The following ENO2 variants were observed in gnomAD, a reference collection of about 807,000 sequenced individuals.
ENO2 encodes the protein gamma-enolase.
ENO2 carries 19 observed loss-of-function variants against 48.7 expected under a neutral mutation model. The ratio of observed to expected loss-of-function variants is 0.39; its 90% CI spans 0.27 to 0.57. The LOEUF is 0.57. ENO2 is among the 20% of genes least tolerant of loss of function. ENO2 has a pLI of 0.58. For synonymous variants in ENO2, 198 were observed against 213.4 expected (o/e 0.93, Z 0.63); for missense variants, 416 against 555.0 (o/e 0.75, Z 2.52).
At chr12:6,917,143 G>A in intron 5 of ENO2, 36 bp downstream of exon 5, 2 of 1,612,974 alleles carry the variant, frequency 1.2e-6, no homozygotes, top group Non-Finnish European at 1.7e-6. Context: ...GGAAGCGTCA[G>A]GGTGGGGAGG....
At position 6,915,850 on chromosome 12, in the gene ENO2, C is replaced by G. The variant is rs1352913239; in HGVS notation, c.18C>G (p.Ile6Met). MSIEK[I>M]WAREILDSRG... is the part of the protein sequence containing the mutation. ...CAGCCATCATGTCCATAGAGAAGAT[C>G]TGGGCCCGGGAGATCCTGGACTCCC... is the stretch of plus-strand genomic sequence containing the variant. The change falls in exon 2 of 12, where the codon ATC (isoleucine) becomes ATG (methionine). Residue 6 changes from isoleucine to methionine, a missense_variant. Physicochemically the swap from Ile to Met is conservative, Grantham distance 10. Transcript: ENST00000229277. 1.2e-6 allele frequency: 2 copies of G among 1,613,708 alleles called. No homozygotes were observed. The highest frequency in any genetic ancestry group is 2.7e-5 in the African/African-American group (2 of 74,866).
Position 6,919,643 on chromosome 12 carries a change from T to C in ENO2, c.745T>C (p.Ser249Pro). The C allele has an allele frequency of 6.2e-7, 1 of 1,614,178 alleles. No homozygotes were observed. Among genetic ancestry groups the C allele is most frequent in the Non-Finnish European group, 8.5e-7 (1 of 1,180,036 alleles). ...KIVIGMDVAASEFYRDGKYDL... is the reference protein window; with the variant it reads ...KIVIGMDVAAPEFYRDGKYDL... ...CGTTATTGGCATGGATGTTGCTGCC[T>C]CAGAGTTTTATCGTGATGGCAAATA... is the stretch of plus-strand genomic sequence containing the variant. The change falls in exon 8 of 12, where the codon TCA becomes CCA. Residue 249 changes from serine to proline, a missense_variant. Transcript: ENST00000229277.
chr12:6,918,241 G>A, intron 7 of ENO2, 79 bp downstream of exon 7: 2 of 1,469,560 alleles, frequency 1.4e-6, no homozygotes, highest in South Asian at 1.2e-5. Flanking sequence ...AGTTCACCAA[G>A]TCCTGAGTAG....
intron 9 of ENO2, 86 bp downstream of exon 9, chr12:6,921,868 G>C: frequency 6.4e-7 from 1 of 1,560,130 alleles, no homozygotes; most frequent in African/African-American, 1.4e-5. Context: ...CTACCCAGGG[G>C]TGCCAAAGAG....
rs1433166979 is a variant in ENO2 at position 6,916,787 on chromosome 12, G to A, written c.240+58G>A. ...CCAGAGTTCTGGAAGGAATCCCGGA[G>A]CAGGGCAGGAGGAAGGGAAGAAAGA... is the stretch of plus-strand genomic sequence containing the variant. On this transcript the variant is annotated intron_variant, in intron 4 of 11. Transcript: ENST00000229277. The surrounding 1 kb of genome is among the most constrained non-coding windows in gnomAD (Gnocchi z 4.5). 1 of 1,604,024 alleles carries A rather than the reference G, an allele frequency of 6.2e-7. No homozygotes were observed. Among genetic ancestry groups the A allele is most frequent in the African/African-American group, 1.3e-5 (1 of 74,744 alleles).
rs781810342 is a variant in ENO2 at position 6,922,836 on chromosome 12, T to C, written c.*36T>C. ...TGCCTGGAGACGTGGAACCTCTGTC[T>C]CATCCTCCTGGAACCTTGCTGTCCT... On this transcript the variant is annotated 3_prime_UTR_variant, in exon 12 of 12. Transcript: ENST00000229277. This position sits in a 1 kb window ranked among gnomAD's most constrained non-coding sequence, Gnocchi z 5.3. 3.7e-6 allele frequency: 6 copies of C among 1,610,040 alleles called. No homozygotes were observed. The highest frequency in any genetic ancestry group is 5.1e-6 in the Non-Finnish European group (6 of 1,176,608).
In ENO2 at chr12:6,919,454, C is replaced by G. The variant is rs1945320538; in HGVS notation, c.668-112C>G. On this transcript the variant is annotated intron_variant, in intron 7 of 11. Transcript: ENST00000229277. ...GATAACCCCAACAGCATCCCCGCCA[C>G]ACTTCCCTCAGGAACAGCCCTCCAC... The G allele has an allele frequency of 1.6e-6, 2 of 1,214,690 alleles. 1 individual carries two copies. Among genetic ancestry groups the G allele is most frequent in the African/African-American group, 3.0e-5 (2 of 67,158 alleles). The allele number at this position is 1,214,690 out of a possible 1,614,324, so 75.2% of individuals were successfully genotyped here. A position where few individuals can be genotyped will look rare whatever the true frequency, so the allele number is the denominator to read the frequency against.
intron 8 of ENO2, 124 bp downstream of exon 8, chr12:6,919,887 C>T: frequency 9.4e-7 from 1 of 1,066,392 alleles, no homozygotes; most frequent in African/African-American, 1.6e-5. Context: ...ACCTGAGAAC[C>T]AGGGAGAGGG....
intron 6 of ENO2, 98 bp downstream of exon 6, chr12:6,917,812 T>TA: frequency 6.7e-7 from 1 of 1,489,718 alleles, no homozygotes; most frequent in East Asian, 2.4e-5. Flanking sequence ...TTGAGGGAGG[T>TA]AAAGAGGAAG....
chr12:6,919,505 C>G, intron 7 of ENO2, 61 bp from the exon 8 acceptor site: 2 of 1,567,586 alleles, frequency 1.3e-6, no homozygotes, highest in East Asian at 4.5e-5. Context: ...CTTTTCTTTC[C>G]CTCCTCCTCC....
chr12:6,917,754 TGGGG>T, intron 6 of ENO2, 40 bp downstream of exon 6: 1 of 1,346,314 alleles, frequency 7.4e-7, no homozygotes, highest in Non-Finnish European at 1.0e-6. Flanking sequence ...CAGGGGCGGG[TGGGG>T]GAGGGAGCAT....
intron 7 of ENO2, among the ~76,000 whole-genome samples, chr12:6,918,851 G>T (rs538182755): frequency 2.6e-5 from 4 of 151,580 alleles, no homozygotes; most frequent in Non-Finnish European, 4.4e-5. Flanking sequence ...GCATGGTGGC[G>T]TGTGCCTGTA....
Position 6,915,900 on chromosome 12 carries a change from A to G in ENO2, c.68A>G (p.Asp23Gly). The G allele has an allele frequency of 6.2e-7, 1 of 1,613,880 alleles. No homozygotes were observed. The highest frequency in any genetic ancestry group is 2.2e-5 in the East Asian group (1 of 44,856). The change falls in exon 2 of 12, where the codon GAT (aspartate) becomes GGT (glycine). Residue 23 changes from aspartate (D) to glycine (G), a missense_variant. Coordinates refer to ENST00000229277, the MANE Select transcript of ENO2 (RefSeq NM_001975.3). ...CGCGGGAACCCCACAGTGGAGGTGGATCTCTATACTGCCAAAGGTAATGGG... is the reference window on the plus strand; with the variant it reads ...CGCGGGAACCCCACAGTGGAGGTGGGTCTCTATACTGCCAAAGGTAATGGG... ...DSRGNPTVEV[D>G]LYTAKGLFRA...
At position 6,919,662 on chromosome 12, in the gene ENO2, G is replaced by A; in HGVS notation, c.764G>A (p.Gly255Asp). 6.2e-7 allele frequency: 1 copy of A among 1,614,132 alleles called. No individual in the cohort carries two copies. Residue 255 changes from glycine to aspartate, a missense_variant, in exon 8 of 12, where the codon GGC becomes GAC. Coordinates refer to ENST00000229277, the MANE Select transcript of ENO2 (RefSeq NM_001975.3). ...GCTGCCTCAGAGTTTTATCGTGATG[G>A]CAAATATGACTTGGACTTCAAGTCT... ...DVAASEFYRD[G>D]KYDLDFKSPT...
intron 8 of ENO2, 144 bp from the exon 9 acceptor site, chr12:6,921,437 G>C (rs782387513): frequency 1.4e-4 from 111 of 777,188 alleles, no homozygotes; most frequent in African/African-American, 3.5e-5. Flanking sequence ...GCTTACACTG[G>C]GGGGATTTGT....
Position 6,917,733 on chromosome 12 carries a change from TGCG to T in ENO2, c.444+22_444+24del. On this transcript the variant is annotated intron_variant, in intron 6 of 11. Transcript: ENST00000229277. The stretch of plus-strand genomic sequence containing the variant: ...TGTGCCGGTGAGCAATAAGCCAGCC[TGCG>T]GCTCTCCCAGGGGCGGGTGGGGGAG... The T allele has an allele frequency of 6.7e-7, 1 of 1,501,396 alleles. No individual in the cohort carries two copies. The highest frequency in any genetic ancestry group is 2.3e-5 in the East Asian group (1 of 42,884). The allele number at this position is 1,501,396 out of a possible 1,614,324, so 93.0% of individuals were successfully genotyped here.
Position 6,916,401 on chromosome 12 carries a change from C to G in ENO2, c.86-16C>G. On this transcript the variant is annotated splice_polypyrimidine_tract_variant and intron_variant, in intron 2 of 11. Coordinates refer to ENST00000229277, the MANE Select transcript of ENO2 (RefSeq NM_001975.3). This position sits in a 1 kb window ranked among gnomAD's most constrained non-coding sequence, Gnocchi z 4.5. ...GTGTCCTCTTCACTCCCTCTCATTC[C>G]ATGTTCCTCCTTTAGGTCTTTTCCG... is the stretch of plus-strand genomic sequence containing the variant. The G allele has an allele frequency of 6.2e-7, 1 of 1,610,670 alleles. No homozygotes were observed. The highest frequency in any genetic ancestry group is 8.5e-7 in the Non-Finnish European group (1 of 1,178,360).
At chr12:6,917,836 G>T in intron 6 of ENO2, 104 bp from the exon 7 acceptor site, 1 of 1,580,156 alleles carries the variant, frequency 6.3e-7, no homozygotes. Context: ...GGGGACGTGA[G>T]ACTTAGTCCG....
rs1328022800 is a variant in ENO2, at chr12:6,922,086, G to A, written c.1098G>A (p.Gly366=). The change falls in exon 10 of 12, where the codon GGG becomes GGA. Residue 366 remains glycine (G), a synonymous_variant. Transcript: ENST00000229277. The surrounding 1 kb of genome is among the most constrained non-coding windows in gnomAD (Gnocchi z 5.3). ...ACKLAQENGW[G]VMVSHRSGET... is the part of the protein sequence containing the mutation. ...AGCTGGCCCAGGAGAATGGCTGGGGGGTCATGGTGAGTCATCGCTCAGGAG... is the reference window on the plus strand; with the variant it reads ...AGCTGGCCCAGGAGAATGGCTGGGGAGTCATGGTGAGTCATCGCTCAGGAG... The A allele has an allele frequency of 5.0e-6, 8 of 1,614,062 alleles. No homozygotes were observed. The highest frequency in any genetic ancestry group is 1.7e-5 in the Admixed American group (1 of 60,012).
Sources: gnomAD v4.1 joint callset for allele counts (sites outside exome capture counted in the v4.1 genomes callset) on GRCh38, gnomAD v4.1.1 for gene constraint, Gnocchi (gnomAD v3.1) non-coding constraint, MANE v1.5 for transcripts, NCBI Gene and HGNC (gene_info 2026-07-23, HGNC 2026-07-21) for gene names.